TBC1D19: variants seen among roughly 807,000 people sequenced by gnomAD.
TBC1D19 encodes the protein TBC1 domain family, member 19.
Under a neutral mutation model 89.0 loss-of-function variants are expected in TBC1D19, and 60 were observed. The ratio of observed to expected loss-of-function variants is 0.67; its 90% CI spans 0.55 to 0.84. The LOEUF (loss-of-function observed/expected upper bound fraction) is 0.84. Among genes scored for constraint, TBC1D19 ranks in the 40% least tolerant of loss-of-function variants. The pLI, the probability that TBC1D19 is intolerant of heterozygous loss-of-function variation, is 0.00. For missense variants in TBC1D19, 500 were observed against 610.8 expected (o/e 0.82, Z 1.91); for synonymous variants, 189 against 199.7 (o/e 0.95, Z 0.45).
intron 13 of TBC1D19, among the ~76,000 whole-genome samples, chr4:26,701,256 T>C (rs1715308066): frequency 6.6e-6 from 1 of 152,138 alleles, no homozygotes; most frequent in African/African-American, 2.4e-5. Context: ...AAGGAAACCA[T>C]GCTTAAAGAA....
rs772295325 is a variant in TBC1D19, at chr4:26,739,849, AT to A, written c.1118-8del. The A allele has an allele frequency of 7.4e-5, 108 of 1,468,236 alleles. No individual in the cohort carries two copies. In the African/African-American group the frequency reaches 1.2e-3, roughly 17 times the overall value. The allele number at this position is 1,468,236 out of a possible 1,614,324, so 91.0% of individuals were successfully genotyped here. A position where few individuals can be genotyped will look rare whatever the true frequency, so the allele number is the denominator to read the frequency against. On this transcript the variant is annotated splice_polypyrimidine_tract_variant and intron_variant, in intron 16 of 20. Transcript: ENST00000264866. ...AGTAGTTCTGCAGTATTATAAATTA[AT>A]TTTTTTCTTTCAGTTGCACCACTTT...
At chr4:26,654,080 A>G (rs7654003) in intron 7 of TBC1D19, among the ~76,000 whole-genome samples, 1 of 152,094 alleles carries the variant, frequency 6.6e-6, no homozygotes, top group Non-Finnish European at 1.5e-5. Context: ...TGGTGACAAA[A>G]TCTCTCAGCA....
chr4:26,825,379 G>A, the TBC1D19 span, among the ~76,000 whole-genome samples: 3 of 152,178 alleles, frequency 2.0e-5, no homozygotes, highest in Non-Finnish European at 2.9e-5. Flanking sequence ...TTACAGGCAT[G>A]AGCCACCACG....
At chr4:26,693,954 A>G (rs552388227) in intron 13 of TBC1D19, among the ~76,000 whole-genome samples, 17 of 152,288 alleles carry the variant, frequency 1.1e-4, no homozygotes, top group East Asian at 3.9e-4. Flanking sequence ...GCTCCAGTCT[A>G]CAGCTCCCAG....
chr4:26,822,077 G>A, the TBC1D19 span, among the ~76,000 whole-genome samples: 225 of 152,300 alleles, frequency 1.5e-3, 1 homozygote, highest in African/African-American at 5.1e-3. Flanking sequence ...TTCTAATCAC[G>A]GAAACTTGAA....
downstream of TBC1D19, among the ~76,000 whole-genome samples, chr4:26,757,427 C>G (rs562941476): frequency 6.6e-6 from 1 of 152,300 alleles, no homozygotes; most frequent in South Asian, 2.1e-4. Flanking sequence ...CACATCTGCT[C>G]TGCCAGTGAT....
At chr4:26,603,585 C>A (rs1740772321) in intron 1 of TBC1D19, among the ~76,000 whole-genome samples, 1 of 152,020 alleles carries the variant, frequency 6.6e-6, no homozygotes, top group African/African-American at 2.4e-5. Flanking sequence ...TCATGGACAA[C>A]AACCAAAACA....
At chr4:26,679,498 A>G (rs184421571) in intron 11 of TBC1D19, among the ~76,000 whole-genome samples, 193 of 152,332 alleles carry the variant, frequency 1.3e-3, no homozygotes, top group African/African-American at 4.2e-3. Context: ...AGTGTGCTGC[A>G]GGGATGGAGC....
At chr4:26,646,464 A>G (rs111396158) in intron 7 of TBC1D19, among the ~76,000 whole-genome samples, 1,551 of 152,330 alleles carry the variant, frequency 0.01, 17 homozygotes, top group African/African-American at 0.034. Flanking sequence ...ATTACTGGGT[A>G]TATACCCAAA....
the TBC1D19 span, among the ~76,000 whole-genome samples, chr4:26,838,110 C>A: frequency 1.1e-3 from 165 of 152,260 alleles, 1 homozygote; most frequent in African/African-American, 3.5e-3. Flanking sequence ...TTTTCCCATT[C>A]TCTTGGCCCC....
intron 15 of TBC1D19, among the ~76,000 whole-genome samples, chr4:26,733,782 A>T (rs1717806149): frequency 6.6e-6 from 1 of 152,234 alleles, no homozygotes; most frequent in African/African-American, 2.4e-5. Context: ...GAAGAAATGT[A>T]ATAGGGATAA....
intron 1 of TBC1D19, among the ~76,000 whole-genome samples, chr4:26,602,603 A>C (rs1418749457): frequency 6.6e-6 from 1 of 151,594 alleles, no homozygotes; most frequent in Admixed American, 6.6e-5. Flanking sequence ...ACCATGCCCA[A>C]CTAATTTTTT....
chr4:26,817,364 C>A, the TBC1D19 span, among the ~76,000 whole-genome samples: 1 of 152,044 alleles, frequency 6.6e-6, no homozygotes, highest in Non-Finnish European at 1.5e-5. Flanking sequence ...GATCAACAAA[C>A]GTCCTTTAAC....
chr4:26,848,847 C>A, the TBC1D19 span, among the ~76,000 whole-genome samples: 1 of 152,126 alleles, frequency 6.6e-6, no homozygotes, highest in African/African-American at 2.4e-5. Context: ...AGGCTTACAT[C>A]TTTCAGATAA....
intron 4 of TBC1D19, 147 bp downstream of exon 4, chr4:26,620,835 A>G (rs1742004457): frequency 1.5e-6 from 1 of 670,270 alleles, no homozygotes. Flanking sequence ...GTATTTGTAT[A>G]TTCTCCCATT....
intron 15 of TBC1D19, among the ~76,000 whole-genome samples, chr4:26,727,710 C>A (rs1181742847): frequency 6.6e-6 from 1 of 152,172 alleles, no homozygotes. Context: ...TATATGACTT[C>A]TTTGGTCATT....
At chr4:26,793,297 T>C in the TBC1D19 span, among the ~76,000 whole-genome samples, 2 of 152,194 alleles carry the variant, frequency 1.3e-5, no homozygotes, top group African/African-American at 4.8e-5. Flanking sequence ...AAATTCATCC[T>C]ACGGTGTGTG....
chr4:26,834,658 A>T, the TBC1D19 span, among the ~76,000 whole-genome samples: 1 of 151,516 alleles, frequency 6.6e-6, no homozygotes, highest in Non-Finnish European at 1.5e-5. Flanking sequence ...AAAACTACTC[A>T]CCCCCAGTCC....
intron 1 of TBC1D19, among the ~76,000 whole-genome samples, chr4:26,584,689 C>T (rs1229725457): frequency 2.0e-5 from 3 of 152,142 alleles, no homozygotes; most frequent in Admixed American, 2.0e-4. Flanking sequence ...TTTTTCCGTC[C>T]TGTGGGTGGA....
Sources: gnomAD v4.1 joint callset for allele counts (sites outside exome capture counted in the v4.1 genomes callset) on GRCh38, gnomAD v4.1.1 for gene constraint, MANE v1.5 for transcripts, NCBI Gene and HGNC (gene_info 2026-07-23, HGNC 2026-07-21) for gene names.